Variants in EXOC2 observed in about 807,000 individuals in gnomAD.
EXOC2 encodes the protein SEC5-like 1.
In EXOC2, 70 loss-of-function variants were observed where a neutral mutation model predicts 131.8. The ratio of observed to expected loss-of-function variants is 0.53; its 90% CI spans 0.44 to 0.65. The LOEUF (loss-of-function observed/expected upper bound fraction) is 0.65. Ranked by LOEUF, EXOC2 falls within the 30% of genes least tolerant of loss-of-function variation. EXOC2 has a pLI of 0.00. For synonymous variants in EXOC2, 411 were observed against 398.4 expected, an observed-to-expected ratio of 1.03 and a Z score of -0.38; for missense variants, 923 against 1,108.6, an observed-to-expected ratio of 0.83 and a Z score of 2.38.
chr6:548,838 T>C (rs1032917133), intron 22 of EXOC2, among the ~76,000 whole-genome samples: 1 of 152,160 alleles, frequency 6.6e-6, no homozygotes, highest in African/African-American at 2.4e-5. Flanking sequence ...AGGAGTCAAA[T>C]ATGAGATAAT....
chr6:625,617 CT>C (rs1182352473), intron 4 of EXOC2, among the ~76,000 whole-genome samples: 1 of 150,890 alleles, frequency 6.6e-6, no homozygotes, highest in Non-Finnish European at 1.5e-5. Flanking sequence ...GTAAAGTCAC[CT>C]AAGGCTCTTT....
intron 7 of EXOC2, among the ~76,000 whole-genome samples, chr6:608,685 G>GCCTAACA (rs1554137037): frequency 1.3e-5 from 2 of 152,156 alleles, no homozygotes; most frequent in African/African-American, 4.8e-5. Context: ...ACTATGGTAA[G>GCCTAACA]CCTAACACAT....
chr6:555,123 C>G lies in EXOC2; in HGVS notation c.2054+104G>C, dbSNP rs370085537. The G allele has an allele frequency of 5.6e-5, 30 of 537,624 alleles. No individual in the cohort carries two copies. In the South Asian group the frequency reaches 2.1e-3, roughly 37 times the overall value. The allele number at this position is 537,624 out of a possible 1,614,324, so 33.3% of individuals were successfully genotyped here. On this transcript the variant is annotated intron_variant, in intron 20 of 27. Coordinates refer to ENST00000230449, the MANE Select transcript of EXOC2 (RefSeq NM_018303.6). ...TATTACTTCGATATGAACAATCTTT[C>G]TTTCTTACTAGAAGTCTTAGGATAT... is the stretch of plus-strand genomic sequence containing the variant.
intron 4 of EXOC2, 50 bp from the exon 5 acceptor site, chr6:619,593 A>G (rs1347279867): frequency 7.7e-7 from 1 of 1,302,580 alleles, no homozygotes; most frequent in African/African-American, 1.5e-5. Flanking sequence ...TTATGACAAA[A>G]ATGGAAAAGG....
chr6:549,384 C>A, intron 21 of EXOC2, 93 bp from the exon 22 acceptor site: 1 of 900,582 alleles, frequency 1.1e-6, no homozygotes, highest in South Asian at 1.6e-5. Context: ...AATCTCTGCT[C>A]TTTAACGTCA....
intron 22 of EXOC2, 31 bp downstream of exon 22, chr6:549,144 C>T (rs368861410): frequency 1.1e-5 from 18 of 1,575,148 alleles, no homozygotes; most frequent in Middle Eastern, 1.7e-4. Context: ...GTAAAACCAC[C>T]GACTTGTGCG....
chr6:631,498 C>T (rs549800338), intron 3 of EXOC2, among the ~76,000 whole-genome samples: 1 of 151,678 alleles, frequency 6.6e-6, no homozygotes, highest in African/African-American at 2.4e-5. Flanking sequence ...AGATTGAGAT[C>T]GCGCCATTGC....
chr6:608,835 G>A lies in EXOC2; in HGVS notation c.742+1263C>T, dbSNP rs181730338. Among the ~76,000 whole-genome samples the A allele has an allele frequency of 4.0e-3, 605 of 152,260 alleles. 4 individuals carry two copies. The highest frequency in any genetic ancestry group is 0.014 in the South Asian group (67 of 4,818). ...ACATGTTTTTTATACAGATATCATA[G>A]TTTGATAACTTCTCCAGGGCAAATA... On this transcript the variant is annotated intron_variant, in intron 7 of 27. Transcript: ENST00000230449.
In EXOC2 at chr6:507,328, ACC is replaced by A. The variant is rs1271056971; in HGVS notation, c.2381-7630_2381-7629del. On this transcript the variant is annotated intron_variant, in intron 23 of 27. Coordinates refer to ENST00000230449, the MANE Select transcript of EXOC2 (RefSeq NM_018303.6). The stretch of plus-strand genomic sequence containing the variant: ...ACACACACACACACACAAAGAAGTG[ACC>A]CCCCCCACACACACCACAGCAGTGA... 3.1e-3 allele frequency among the ~76,000 whole-genome samples: 120 copies of A among 38,790 alleles called. 3 individuals are homozygous for A. The highest frequency in any genetic ancestry group is 0.018 in the East Asian group (6 of 330). 25.4% of individuals were successfully genotyped at this position (38,790 alleles called of 152,430 possible).
intron 1 of EXOC2, among the ~76,000 whole-genome samples, chr6:642,969 A>G (rs1206171269): frequency 6.6e-6 from 1 of 152,212 alleles, no homozygotes; most frequent in Non-Finnish European, 1.5e-5. Flanking sequence ...TATGACAAGA[A>G]ATGCTGAAAG....
intron 2 of EXOC2, among the ~76,000 whole-genome samples, chr6:635,396 A>G (rs1000916901): frequency 1.3e-5 from 2 of 152,254 alleles, no homozygotes; most frequent in African/African-American, 2.4e-5. Flanking sequence ...CTCTGATTTA[A>G]TATCTGTTGT....
At position 629,907 on chromosome 6, in the gene EXOC2, C is replaced by T. The variant is rs778155454; in HGVS notation, c.350G>A (p.Arg117His). The T allele has an allele frequency of 2.8e-5, 45 of 1,613,948 alleles. No individual in the cohort carries two copies. The East Asian group carries it at 2.9e-4, about 10-fold the overall frequency. Residue 117 changes from arginine to histidine, a missense_variant, in exon 4 of 28, where the codon CGC becomes CAC. Transcript: ENST00000230449. The part of the protein sequence containing the change: ...WVDEMNYYDM[R>H]TDRNKGIPPL... ...CGGAATTCCTTTGTTCCTGTCAGTG[C>T]GCATATCATAATAATTCATTTCATC...
At chr6:554,292 G>A (rs1581426808) in intron 20 of EXOC2, among the ~76,000 whole-genome samples, 2 of 152,026 alleles carry the variant, frequency 1.3e-5, no homozygotes, top group South Asian at 2.1e-4. Context: ...CGCCTGCCTC[G>A]GCCTCCCAAA....
chr6:508,417 T>C (rs1764679909), intron 23 of EXOC2, among the ~76,000 whole-genome samples: 1 of 152,198 alleles, frequency 6.6e-6, no homozygotes. Context: ...ACACACACAG[T>C]AGCTTCACTG....
At chr6:585,978 T>C (rs1197717862) in intron 11 of EXOC2, among the ~76,000 whole-genome samples, 4 of 152,210 alleles carry the variant, frequency 2.6e-5, no homozygotes. Flanking sequence ...TGTAGTAAGC[T>C]TTCATTTTAA....
chr6:692,132 TTTAA>T (rs66810471), intron 1 of EXOC2, among the ~76,000 whole-genome samples: 13,583 of 152,250 alleles, frequency 0.089, 679 homozygotes, highest in Admixed American at 0.12. Context: ...CACAAAAAGA[TTTAA>T]TTAAAGTGTG....
intron 4 of EXOC2, among the ~76,000 whole-genome samples, chr6:623,902 T>C (rs769840132): frequency 6.6e-6 from 1 of 152,214 alleles, no homozygotes; most frequent in Non-Finnish European, 1.5e-5. Flanking sequence ...TAAGGAAATG[T>C]GTTTTATGCT....
intron 22 of EXOC2, among the ~76,000 whole-genome samples, chr6:533,006 G>A (rs1766187618): frequency 6.6e-6 from 1 of 152,160 alleles, no homozygotes; most frequent in African/African-American, 2.4e-5. Context: ...GAAGGAGAAG[G>A]TGGCCAGAAG....
chr6:686,489 G>A (rs1239473987), intron 1 of EXOC2, among the ~76,000 whole-genome samples: 1 of 152,156 alleles, frequency 6.6e-6, no homozygotes, highest in Non-Finnish European at 1.5e-5. Context: ...ATGTTTGGAG[G>A]TGAGAGATTA....
Sources: allele counts gnomAD v4.1 joint callset (sites outside exome capture counted in the v4.1 genomes callset), GRCh38; gene constraint gnomAD v4.1.1; transcripts MANE v1.5; gene names NCBI Gene and HGNC (gene_info 2026-07-23, HGNC 2026-07-21).